The following UTS2B variants were observed in gnomAD, a reference collection of about 807,000 sequenced individuals.
UTS2B encodes the protein urotensin-2B.
Under a neutral mutation model 19.2 loss-of-function variants are expected in UTS2B, and 21 were observed. The ratio of observed to expected loss-of-function variants is 1.09; its 90% CI spans 0.78 to 1.58. The LOEUF (loss-of-function observed/expected upper bound fraction) is 1.58, where lower values mean the gene tolerates loss of function less well. Ranked by LOEUF, UTS2B falls within the 40% of genes most tolerant of loss-of-function variation. The pLI is 0.00. For synonymous variants in UTS2B, 57 were observed against 50.2 expected (o/e 1.14, Z -0.58); for missense variants, 138 against 130.3 (o/e 1.06, Z -0.29).
chr3:191,281,679 A>T (rs1219605278), intron 5 of UTS2B, among the ~76,000 whole-genome samples: 2 of 49,798 alleles, frequency 4.0e-5, no homozygotes, highest in African/African-American at 8.1e-5. Flanking sequence ...TATTTTCATA[A>T]AGAACTTACT....
intron 3 of UTS2B, among the ~76,000 whole-genome samples, chr3:191,311,783 A>C (rs1717308970): frequency 6.6e-6 from 1 of 152,166 alleles, no homozygotes; most frequent in Admixed American, 6.5e-5. Context: ...GGCATAGTAA[A>C]TCCATTCAAA....
chr3:191,298,912 G>T (rs543976786), intron 4 of UTS2B, among the ~76,000 whole-genome samples: 7 of 152,314 alleles, frequency 4.6e-5, no homozygotes, highest in African/African-American at 1.7e-4. Context: ...GGTCACTTTT[G>T]TTATTTGTTA....
At chr3:191,300,772 C>T (rs751016604) in intron 4 of UTS2B, among the ~76,000 whole-genome samples, 1 of 152,176 alleles carries the variant, frequency 6.6e-6, no homozygotes, top group Non-Finnish European at 1.5e-5. Context: ...AAGTGTGTGG[C>T]AACTGCCCCC....
At chr3:191,337,086 A>T in the UTS2B span, among the ~76,000 whole-genome samples, 2 of 152,116 alleles carry the variant, frequency 1.3e-5, no homozygotes, top group Non-Finnish European at 2.9e-5. Context: ...CTGCTTACAT[A>T]CTGTAGAGGC....
chr3:191,267,313 C>G lies in UTS2B; in HGVS notation c.*1103G>C, dbSNP rs1432643929. 6.6e-6 allele frequency: 1 copy of G among 152,186 alleles called. No individual in the cohort carries two copies. Among genetic ancestry groups the G allele is most frequent in the African/African-American group, 2.4e-5 (1 of 41,450 alleles). The allele number at this position is 152,186 out of a possible 1,614,324, so 9.4% of individuals were successfully genotyped here. A position where few individuals can be genotyped will look rare whatever the true frequency, so the allele number is the denominator to read the frequency against. On this transcript the variant is annotated 3_prime_UTR_variant, in exon 9 of 9. Transcript: ENST00000340524. ...ACAAAACCATTTTGATAGTGACATA[C>G]CTTCAAAAGTGCAACTGATTAGTGA...
the UTS2B span, among the ~76,000 whole-genome samples, chr3:191,337,246 A>T: frequency 6.6e-6 from 1 of 152,068 alleles, no homozygotes; most frequent in African/African-American, 2.4e-5. Flanking sequence ...TTTTTTGGAC[A>T]GTTCAGTTAT....
rs565682497 is a variant in UTS2B, at chr3:191,275,748, A to G, written c.241-403T>C. On this transcript the variant is annotated intron_variant, in intron 7 of 8. Transcript: ENST00000340524. ...TCTGTTGAAGAGGAAAGATAAAAAG[A>G]AAGAAAAAAAAAGAGAGAAAATGGA... Among the ~76,000 whole-genome samples, 3 of 152,214 alleles carry G rather than the reference A, an allele frequency of 2.0e-5. No individual in the cohort carries two copies. In the East Asian group the frequency reaches 5.8e-4, roughly 29 times the overall value.
intron 3 of UTS2B, among the ~76,000 whole-genome samples, chr3:191,308,060 T>C (rs1717193148): frequency 6.6e-6 from 1 of 152,170 alleles, no homozygotes; most frequent in Non-Finnish European, 1.5e-5. Flanking sequence ...GGTCTCAAAC[T>C]CCTGACCTCG....
chr3:191,310,511 C>T (rs946335465), intron 3 of UTS2B, among the ~76,000 whole-genome samples: 1 of 152,206 alleles, frequency 6.6e-6, no homozygotes, highest in African/African-American at 2.4e-5. Flanking sequence ...CTTATACCAA[C>T]TTTGGGCTAT....
chr3:191,295,592 C>G (rs1054847237), intron 4 of UTS2B, among the ~76,000 whole-genome samples: 2 of 151,970 alleles, frequency 1.3e-5, no homozygotes, highest in Non-Finnish European at 2.9e-5. Context: ...CCTCTCTCCC[C>G]ACCTCTTTTG....
chr3:191,325,922 C>G (rs1717733382), intron 2 of UTS2B, among the ~76,000 whole-genome samples: 1 of 152,190 alleles, frequency 6.6e-6, no homozygotes, highest in Non-Finnish European at 1.5e-5. Flanking sequence ...GCCATTCAGT[C>G]TGTGGTATTT....
At chr3:191,307,723 T>C (rs570114258) in intron 3 of UTS2B, among the ~76,000 whole-genome samples, 4 of 152,322 alleles carry the variant, frequency 2.6e-5, no homozygotes, top group African/African-American at 4.8e-5. Flanking sequence ...GAATCTGGAA[T>C]CTCCTCAAGT....
At chr3:191,312,390 G>A (rs898025484) in intron 3 of UTS2B, among the ~76,000 whole-genome samples, 7 of 152,186 alleles carry the variant, frequency 4.6e-5, no homozygotes, top group Non-Finnish European at 8.8e-5. Context: ...TGGTCTTTAT[G>A]TTGGGCTGTT....
intron 2 of UTS2B, among the ~76,000 whole-genome samples, chr3:191,321,693 T>A (rs191626313): frequency 1.3e-3 from 192 of 152,320 alleles, no homozygotes; most frequent in African/African-American, 4.2e-3. Flanking sequence ...TAAATGTGTA[T>A]GTGTACATAC....
chr3:191,294,709 T>G (rs1004047814), intron 4 of UTS2B: 1 of 146,652 alleles, frequency 6.8e-6, no homozygotes, highest in African/African-American at 2.5e-5. Context: ...TCTCTCTACA[T>G]AATTTTCCCA....
chr3:191,326,201 A>G (rs945683944), intron 2 of UTS2B, among the ~76,000 whole-genome samples: 1 of 152,102 alleles, frequency 6.6e-6, no homozygotes, highest in Non-Finnish European at 1.5e-5. Context: ...CTGATAATAA[A>G]ATTGGATAAC....
In UTS2B at chr3:191,293,127, T is replaced by G. The variant is rs549893693; in HGVS notation, c.-124-10814A>C. Among the ~76,000 whole-genome samples the G allele has an allele frequency of 1.3e-3, 204 of 152,380 alleles. 1 individual carries two copies. The highest frequency in any genetic ancestry group is 4.8e-3 in the African/African-American group (200 of 41,584). On this transcript the variant is annotated intron_variant, in intron 4 of 8. Transcript: ENST00000340524. Reference sequence around the variant, plus strand: ...AATCTTATTTGGTGATGTTGTGTGTTACTTTTTATATGTTGCTGGACTGTT... The same window carrying G: ...AATCTTATTTGGTGATGTTGTGTGTGACTTTTTATATGTTGCTGGACTGTT...
At chr3:191,275,709 A>C (rs1271368340) in intron 7 of UTS2B, among the ~76,000 whole-genome samples, 2 of 152,116 alleles carry the variant, frequency 1.3e-5, no homozygotes, top group Admixed American at 1.3e-4. Flanking sequence ...AACAAAAAAA[A>C]AACCATGCTG....
intron 2 of UTS2B, among the ~76,000 whole-genome samples, chr3:191,325,165 G>A (rs183905037): frequency 6.6e-6 from 1 of 152,306 alleles, no homozygotes; most frequent in African/African-American, 2.4e-5. Context: ...TGTGATGACA[G>A]AGAGTGAGAA....
Sources: allele counts gnomAD v4.1 joint callset (sites outside exome capture counted in the v4.1 genomes callset), GRCh38; gene constraint gnomAD v4.1.1; transcripts MANE v1.5; gene names NCBI Gene and HGNC (gene_info 2026-07-23, HGNC 2026-07-21).